NOX5: variants seen among roughly 807,000 people sequenced by gnomAD.
NOX5 encodes the protein NADPH oxidase 5, also known as NADPH oxidase, EF-hand calcium binding domain 5.
Under a neutral mutation model 85.7 loss-of-function variants are expected in NOX5, and 76 were observed. The observed-to-expected ratio is 0.89, with a 90% CI of 0.74 to 1.07. The LOEUF (loss-of-function observed/expected upper bound fraction) is 1.07, where lower values mean the gene tolerates loss of function less well. Among genes scored for constraint, NOX5 ranks in the 50% least tolerant of loss-of-function variants. The pLI, the probability that NOX5 is intolerant of heterozygous loss-of-function variation, is 0.00. For synonymous variants in NOX5, 405 were observed against 401.4 expected, an observed-to-expected ratio of 1.01 and a Z score of -0.11; for missense variants, 973 against 999.5, an observed-to-expected ratio of 0.97 and a Z score of 0.36.
chr15:69,034,166 AT>A (rs1188141614), intron 5 of NOX5, among the ~76,000 whole-genome samples: 2 of 152,230 alleles, frequency 1.3e-5, no homozygotes, highest in African/African-American at 4.8e-5. Flanking sequence ...GCTTCTGGAT[AT>A]GAGCTTCTCA....
At position 69,038,822 on chromosome 15, in the gene NOX5, G is replaced by A; in HGVS notation, c.1372-35G>A. The A allele has an allele frequency of 2.5e-6, 4 of 1,614,040 alleles. No homozygotes were observed. In the East Asian group the frequency reaches 8.9e-5, roughly 36 times the overall value. ...TGTAGCCCCTGGTGGCTTTGGGCCT[G>A]CAGGAATGATGCAGATCTCCTTCCT... On this transcript the variant is annotated intron_variant, in intron 8 of 15. Transcript: ENST00000388866.
In NOX5 at chr15:69,026,539, C is replaced by T; in HGVS notation, c.62C>T (p.Ala21Val). Residue 21 changes from alanine to valine, a missense_variant, in exon 2 of 16, where the codon GCC becomes GTC. Coordinates refer to ENST00000388866, the MANE Select transcript of NOX5 (RefSeq NM_024505.4). ...CCTTTGCCTCCCAGCACCATGAGTGCCGAGGAGGATGCCAGGTGGCTCCGG... is the reference window on the plus strand; with the variant it reads ...CCTTTGCCTCCCAGCACCATGAGTGTCGAGGAGGATGCCAGGTGGCTCCGG... ...GPEGCRGTMSAEEDARWLRWV... is the reference protein window; with the variant it reads ...GPEGCRGTMSVEEDARWLRWV... 1 of 1,614,128 alleles carries T rather than the reference C, an allele frequency of 6.2e-7. No individual in the cohort carries two copies. The highest frequency in any genetic ancestry group is 1.1e-5 in the South Asian group (1 of 91,066).
intron 2 of NOX5, 124 bp downstream of exon 2, chr15:69,026,775 G>A: frequency 7.5e-7 from 1 of 1,339,244 alleles, no homozygotes; most frequent in South Asian, 1.4e-5. Context: ...CCTTGTAGCG[G>A]GCTGGCGGGA....
chr15:69,027,535 C>A (rs530028463), intron 2 of NOX5, among the ~76,000 whole-genome samples: 1 of 152,200 alleles, frequency 6.6e-6, no homozygotes, highest in South Asian at 2.1e-4. Flanking sequence ...TCCACAGGGT[C>A]CTCCCCCTGC....
In NOX5 at chr15:69,060,533, G is replaced by T. The variant is rs546816027; in HGVS notation, c.*3837G>T. 1 of 152,308 alleles carries T rather than the reference G, an allele frequency of 6.6e-6. No individual in the cohort carries two copies. Among genetic ancestry groups the T allele is most frequent in the East Asian group, 1.9e-4 (1 of 5,188 alleles). 9.4% of individuals were successfully genotyped at this position (152,308 alleles called of 1,614,324 possible). A position where few individuals can be genotyped will look rare whatever the true frequency, so the allele number is the denominator to read the frequency against. On this transcript the variant is annotated 3_prime_UTR_variant, in exon 16 of 16. Coordinates refer to ENST00000388866, the MANE Select transcript of NOX5 (RefSeq NM_024505.4). Reference sequence around the variant, plus strand: ...GTCATTTCTAAAAGGATACATGAAAGTATATTTATCTGTGTGCTCTGGGGA... The same window carrying T: ...GTCATTTCTAAAAGGATACATGAAATTATATTTATCTGTGTGCTCTGGGGA...
intron 14 of NOX5, among the ~76,000 whole-genome samples, chr15:69,050,450 G>T (rs947770780): frequency 3.4e-4 from 51 of 152,104 alleles, no homozygotes; most frequent in African/African-American, 1.2e-3. Flanking sequence ...TGTCACCCAG[G>T]TGCAATCTCG....
At chr15:69,049,783 CA>C (rs990571421) in intron 14 of NOX5, among the ~76,000 whole-genome samples, 31 of 152,178 alleles carry the variant, frequency 2.0e-4, no homozygotes, top group Non-Finnish European at 3.8e-4. Context: ...ACATGCTCCT[CA>C]AACGATTCTT....
At chr15:69,048,035 C>A in intron 13 of NOX5, 124 bp downstream of exon 13, 4 of 753,052 alleles carry the variant, frequency 5.3e-6, no homozygotes, top group Non-Finnish European at 6.6e-6. Context: ...ATCTTTCTTT[C>A]CCCACAATAC....
intron 14 of NOX5, among the ~76,000 whole-genome samples, chr15:69,050,493 C>T (rs1039290069): frequency 6.6e-6 from 1 of 152,144 alleles, no homozygotes; most frequent in Non-Finnish European, 1.5e-5. Context: ...CAGGTTCAAG[C>T]AATTCTTCTG....
At chr15:69,037,272 T>A (rs1379616058) in intron 8 of NOX5, 62 bp downstream of exon 8, 1 of 1,477,824 alleles carries the variant, frequency 6.8e-7, no homozygotes, top group East Asian at 2.4e-5. Flanking sequence ...GTTTGTGGGG[T>A]GGAGCAGCTG....
intron 12 of NOX5, 51 bp downstream of exon 12, chr15:69,047,588 G>T: frequency 1.3e-6 from 2 of 1,579,908 alleles, no homozygotes; most frequent in South Asian, 1.2e-5. Flanking sequence ...GCCCCAAGGC[G>T]CCCTCCCTGC....
chr15:69,028,466 C>A, intron 3 of NOX5, 101 bp downstream of exon 3: 2 of 1,199,094 alleles, frequency 1.7e-6, no homozygotes, highest in Non-Finnish European at 2.3e-6. Flanking sequence ...CCATCCCGGC[C>A]TCCTGAGCCC....
At chr15:69,042,858 C>A in intron 10 of NOX5, 53 bp downstream of exon 10, 1 of 1,571,630 alleles carries the variant, frequency 6.4e-7, no homozygotes. Context: ...TCCACAGAGA[C>A]CAAGTTGCCT....
rs761400978 is a variant in NOX5 at position 69,055,493 on chromosome 15, G to A, written c.2159G>A (p.Trp720Ter). 2 of 1,613,788 alleles carry A rather than the reference G, an allele frequency of 1.2e-6. No individual in the cohort carries two copies. The highest frequency in any genetic ancestry group is 1.3e-5 in the African/African-American group (1 of 75,062). Residue 720 changes from tryptophan to a stop codon, truncating the protein, a stop_gained, in exon 15 of 16, where the codon TGG (tryptophan) becomes TAG (stop). Coordinates refer to ENST00000388866, the MANE Select transcript of NOX5 (RefSeq NM_024505.4). LOFTEE classifies it high-confidence loss of function. The stretch of plus-strand genomic sequence containing the variant: ...CGCACCCAGCCTGGGCGGCCTGACT[G>A]GAGCAAGGTAATGCCAACTGGAGCC... ...QTRTQPGRPD[W>*]SKVFQKVAAE... is the part of the protein sequence containing the mutation.
chr15:69,037,749 A>G (rs1056768902), intron 8 of NOX5: 1 of 153,092 alleles, frequency 6.5e-6, no homozygotes, highest in Non-Finnish European at 1.5e-5. Context: ...CACAGTAAAG[A>G]CACAGAATTG....
Position 69,031,688 on chromosome 15 carries a change from C to A in NOX5, c.496C>A (p.Leu166Met). ...CGCCATCTCGCTGCCTGACGAGAAGCTGGACCAGCTGACGCTGGCGCTCTT... is the reference window on the plus strand; with the variant it reads ...CGCCATCTCGCTGCCTGACGAGAAGATGGACCAGCTGACGCTGGCGCTCTT... ...ESAISLPDEK[L>M]DQLTLALFES... Residue 166 changes from leucine (L) to methionine (M), a missense_variant, in exon 4 of 16, where the codon CTG (leucine) becomes ATG (methionine). Leu to Met is a conservative substitution (Grantham distance 15). Transcript: ENST00000388866. The A allele has an allele frequency of 1.2e-6, 2 of 1,613,268 alleles. No individual in the cohort carries two copies. The highest frequency in any genetic ancestry group is 1.7e-6 in the Non-Finnish European group (2 of 1,179,860).
At chr15:69,049,098 C>G in intron 14 of NOX5, 40 bp downstream of exon 14, 1 of 1,310,278 alleles carries the variant, frequency 7.6e-7, no homozygotes, top group Non-Finnish European at 1.1e-6. Context: ...AGGAGTAGGG[C>G]AGGGGCCTTC....
Position 69,056,762 on chromosome 15 carries a change from G to GC in NOX5, c.*71dup. The GC allele has an allele frequency of 6.3e-7, 1 of 1,575,580 alleles. No individual in the cohort carries two copies. The highest frequency in any genetic ancestry group is 8.6e-7 in the Non-Finnish European group (1 of 1,161,784). Reference sequence around the variant, plus strand: ...TCTGCTTCATTGCATTAGTATAAATGCCCCCACAGGGACCAGCCTCAGATG... The same window carrying GC: ...TCTGCTTCATTGCATTAGTATAAATGCCCCCCACAGGGACCAGCCTCAGATG... On this transcript the variant is annotated 3_prime_UTR_variant, in exon 16 of 16. Coordinates refer to ENST00000388866, the MANE Select transcript of NOX5 (RefSeq NM_024505.4).
At chr15:69,045,411 G>T (rs1423024198) in intron 10 of NOX5, among the ~76,000 whole-genome samples, 1 of 152,152 alleles carries the variant, frequency 6.6e-6, no homozygotes, top group East Asian at 1.9e-4. Flanking sequence ...ATTCTTGCTA[G>T]ATGGCCTGTC....
Sources: gnomAD v4.1 joint callset for allele counts (sites outside exome capture counted in the v4.1 genomes callset) on GRCh38, gnomAD v4.1.1 for gene constraint, MANE v1.5 for transcripts, NCBI Gene and HGNC (gene_info 2026-07-23, HGNC 2026-07-21) for gene names.